FHAD1: variants seen among roughly 807,000 people sequenced by gnomAD.
FHAD1 encodes the protein forkhead-associated domain-containing protein 1.
Under a neutral mutation model 191.3 loss-of-function variants are expected in FHAD1, and 146 were observed. The observed-to-expected ratio is 0.76, with a 90% confidence interval of 0.67 to 0.88. FHAD1 has a LOEUF of 0.88. FHAD1 is among the 40% of genes least tolerant of loss of function. The pLI is 0.00. For missense variants in FHAD1, 1,635 were observed against 1,785.8 expected, an observed-to-expected ratio of 0.92 and a Z score of 1.52; for synonymous variants, 616 against 672.3, an observed-to-expected ratio of 0.92 and a Z score of 1.29.
downstream of FHAD1, chr1:15,400,408 G>A (rs1284415348): frequency 1.3e-5 from 2 of 152,174 alleles, no homozygotes; most frequent in Non-Finnish European, 2.9e-5. Flanking sequence ...TTCCTGTCTG[G>A]ACTGTCTTGG....
chr1:15,399,194 C>T (rs1706861364), downstream of FHAD1, among the ~76,000 whole-genome samples: 1 of 152,066 alleles, frequency 6.6e-6, no homozygotes. Context: ...TCTTTAAACC[C>T]ATTAAACCTG....
chr1:15,320,202 G>A (rs1036670561), intron 10 of FHAD1, among the ~76,000 whole-genome samples: 1 of 152,108 alleles, frequency 6.6e-6, no homozygotes, highest in Non-Finnish European at 1.5e-5. Flanking sequence ...TAATTACACT[G>A]TGGTCAGAGA....
chr1:15,246,741 A>T (rs989171271), upstream of FHAD1, among the ~76,000 whole-genome samples: 1 of 152,096 alleles, frequency 6.6e-6, no homozygotes, highest in Non-Finnish European at 1.5e-5. Context: ...CACATGGAAG[A>T]AATCCTCATT....
At chr1:15,322,869 C>T (rs1171033736) in intron 10 of FHAD1, among the ~76,000 whole-genome samples, 3 of 152,182 alleles carry the variant, frequency 2.0e-5, no homozygotes, top group African/African-American at 7.2e-5. Flanking sequence ...TAAAGACACA[C>T]CCGAAACTGG....
chr1:15,260,625 G>C (rs1048924905), intron 2 of FHAD1, among the ~76,000 whole-genome samples: 1 of 152,206 alleles, frequency 6.6e-6, no homozygotes, highest in African/African-American at 2.4e-5. Flanking sequence ...ATCGGTTGGA[G>C]GCCAGCCTCA....
chr1:15,321,376 C>A (rs1435272286), intron 10 of FHAD1, among the ~76,000 whole-genome samples: 1 of 152,162 alleles, frequency 6.6e-6, no homozygotes, highest in Non-Finnish European at 1.5e-5. Context: ...TTAACTCTTA[C>A]TATTTTAGTG....
Position 15,328,402 on chromosome 1 carries a change from G to A in FHAD1, c.1683G>A (p.Lys561=). 6.5e-7 allele frequency: 1 copy of A among 1,542,818 alleles called. No homozygotes were observed. The highest frequency in any genetic ancestry group is 8.7e-7 in the Non-Finnish European group (1 of 1,143,646). ...AGGAGACCACCGAGAACATCGAGAA[G>A]CTGAGGACGTCGCTGGACAGCTGCC... ...KQEETTENIE[K]LRTSLDSCQA... is the part of the protein sequence containing the mutation. Residue 561 remains lysine (K), a synonymous_variant, in exon 13 of 34, where the codon AAG becomes AAA. Coordinates refer to ENST00000688493, the MANE Select transcript of FHAD1 (RefSeq NM_001391957.1).
At chr1:15,271,138 CGGA>C (rs753961943) in intron 2 of FHAD1, among the ~76,000 whole-genome samples, 15,125 of 66,858 alleles carry the variant, frequency 0.23, 1,450 homozygotes, top group Non-Finnish European at 0.27. Context: ...GACTCCATCT[CGGA>C]AAAAAAAAAA....
chr1:15,243,525 G>A (rs1645645687), upstream of FHAD1, among the ~76,000 whole-genome samples: 1 of 152,226 alleles, frequency 6.6e-6, no homozygotes, highest in Non-Finnish European at 1.5e-5. Context: ...TGGAATGCAA[G>A]GGCAGCAGGA....
chr1:15,380,567 G>T (rs1430669709), intron 28 of FHAD1, 134 bp from the exon 29 acceptor site: 2 of 663,808 alleles, frequency 3.0e-6, no homozygotes, highest in East Asian at 5.5e-5. Flanking sequence ...GGAATCAGAC[G>T]GAATGATCAG....
rs115359709 is a variant in FHAD1, at chr1:15,277,324, G to C, written c.300+4795G>C. ...TGGGAGTGCAGTGAAGAACACAAAG[G>C]CTTTGGAGTACGATAGACTGAAGTT... On this transcript the variant is annotated intron_variant, in intron 3 of 33. Coordinates refer to ENST00000688493, the MANE Select transcript of FHAD1 (RefSeq NM_001391957.1). Among the ~76,000 whole-genome samples, 1,249 of 152,270 alleles carry C rather than the reference G, an allele frequency of 8.2e-3. 9 individuals are homozygous for C. Among genetic ancestry groups the C allele is most frequent in the Non-Finnish European group, 0.014 (964 of 68,012 alleles).
chr1:15,363,689 G>C (rs926990238), intron 23 of FHAD1: 7 of 453,714 alleles, frequency 1.5e-5, no homozygotes, highest in Non-Finnish European at 2.7e-5. Flanking sequence ...TTAAGGGGTC[G>C]GCTAAGTGAC....
At chr1:15,300,990 C>T (rs546705874) in intron 5 of FHAD1, among the ~76,000 whole-genome samples, 1 of 152,206 alleles carries the variant, frequency 6.6e-6, no homozygotes, top group African/African-American at 2.4e-5. Flanking sequence ...CCACCACACC[C>T]AGCTAATTTT....
chr1:15,260,263 G>C (rs780254638), intron 2 of FHAD1, among the ~76,000 whole-genome samples: 1 of 152,158 alleles, frequency 6.6e-6, no homozygotes, highest in African/African-American at 2.4e-5. Flanking sequence ...AGCCATTCTC[G>C]GCTGCAACTT....
intron 20 of FHAD1, among the ~76,000 whole-genome samples, chr1:15,355,218 A>T (rs1266357840): frequency 6.6e-6 from 1 of 152,090 alleles, no homozygotes; most frequent in East Asian, 1.9e-4. Context: ...CAAAAAAAAA[A>T]AAAAAGAAAG....
At chr1:15,374,869 T>TTTTTTTTTTTG (rs1558266905) in intron 27 of FHAD1, among the ~76,000 whole-genome samples, 1 of 148,478 alleles carries the variant, frequency 6.7e-6, no homozygotes. Flanking sequence ...TGTTTGTTTT[T>TTTTTTTTTTTG]TTTTTTTGAG....
Position 15,289,496 on chromosome 1 carries a change from T to A in FHAD1, c.398T>A (p.Ile133Asn), listed in dbSNP as rs1663715067. 6.4e-7 allele frequency: 1 copy of A among 1,551,606 alleles called. No homozygotes were observed. The highest frequency in any genetic ancestry group is 2.0e-5 in the Admixed American group (1 of 50,970). ...QPNQAPPPSHIPFHQGVQPAP... is the reference protein window; with the variant it reads ...QPNQAPPPSHNPFHQGVQPAP... ...AACCAGGCCCCCCCACCATCACATA[T>A]CCCCTTCCACCAAGGTGTCCAGCCA... Residue 133 changes from isoleucine (I) to asparagine (N), a missense_variant, in exon 4 of 34, where the codon ATC becomes AAC. Coordinates refer to ENST00000688493, the MANE Select transcript of FHAD1 (RefSeq NM_001391957.1). This position sits in a 1 kb window ranked among gnomAD's most constrained non-coding sequence, Gnocchi z 4.2.
At chr1:15,382,982 G>A (rs1047850906) in intron 31 of FHAD1, among the ~76,000 whole-genome samples, 1 of 152,170 alleles carries the variant, frequency 6.6e-6, no homozygotes, top group Non-Finnish European at 1.5e-5. Context: ...GTGACCCAGC[G>A]AAAATGGGTC....
chr1:15,391,315 G>A, intron 33 of FHAD1, 52 bp downstream of exon 33: 1 of 1,175,750 alleles, frequency 8.5e-7, no homozygotes, highest in Non-Finnish European at 1.1e-6. Flanking sequence ...GTTTTGTTTT[G>A]TTTTGTTTTG....
Sources: gnomAD v4.1 joint callset for allele counts (sites outside exome capture counted in the v4.1 genomes callset) on GRCh38, gnomAD v4.1.1 for gene constraint, Gnocchi (gnomAD v3.1) non-coding constraint, MANE v1.5 for transcripts, NCBI Gene and HGNC (gene_info 2026-07-23, HGNC 2026-07-21) for gene names.